HMGCLL1: variants seen among roughly 807,000 people sequenced by gnomAD.
The protein encoded by HMGCLL1 is 3-hydroxy-3-methylglutaryl-CoA lyase like 1.
Under a neutral mutation model 39.1 loss-of-function variants are expected in HMGCLL1, and 36 were observed. The observed-to-expected ratio is 0.92, with a 90% CI of 0.71 to 1.22. HMGCLL1 has a LOEUF of 1.22. HMGCLL1 is among the 50% of genes most tolerant of loss of function. The pLI is 0.00. For missense variants in HMGCLL1, 451 were observed against 416.5 expected (o/e 1.08, Z -0.72); for synonymous variants, 149 against 144.0 (o/e 1.03, Z -0.25).
intron 3 of HMGCLL1, among the ~76,000 whole-genome samples, chr6:55,533,460 C>G (rs1028571404): frequency 3.3e-5 from 5 of 152,090 alleles, no homozygotes; most frequent in African/African-American, 1.2e-4. Context: ...CTTTTCATTT[C>G]TAGAGTACAT....
chr6:55,579,009 T>C lies in HMGCLL1; in HGVS notation c.47A>G (p.Gln16Arg). The change falls in exon 1 of 9, where the codon CAG becomes CGG. Residue 16 changes from glutamine to arginine, a missense_variant. Transcript: ENST00000274901. ...SAVKHCLSYQ[Q>R]LLREHLWIGD... ...GATCCAGAGATGCTCCCGGAGAAGCTGCTGGTAGCTGAGGCAGTGCTTCAC... is the reference window on the plus strand; with the variant it reads ...GATCCAGAGATGCTCCCGGAGAAGCCGCTGGTAGCTGAGGCAGTGCTTCAC... 6.2e-7 allele frequency: 1 copy of C among 1,613,710 alleles called. No individual in the cohort carries two copies. Among genetic ancestry groups the C allele is most frequent in the South Asian group, 1.1e-5 (1 of 90,936 alleles).
chr6:55,559,219 G>A (rs530879308), intron 1 of HMGCLL1, among the ~76,000 whole-genome samples: 77 of 152,288 alleles, frequency 5.1e-4, no homozygotes, highest in African/African-American at 1.8e-3. Context: ...CTAAGTTTTA[G>A]TGTAGAGCAA....
intron 3 of HMGCLL1, 105 bp from the exon 4 acceptor site, chr6:55,516,708 A>C: frequency 1.7e-6 from 1 of 601,934 alleles, no homozygotes; most frequent in Non-Finnish European, 2.8e-6. Flanking sequence ...TAGAGTCTTT[A>C]AATTAATATC....
chr6:55,622,567 A>G, the HMGCLL1 span, among the ~76,000 whole-genome samples: 1 of 152,028 alleles, frequency 6.6e-6, no homozygotes, highest in Non-Finnish European at 1.5e-5. Context: ...ACATTGATTG[A>G]TTTGTGCATG....
intron 1 of HMGCLL1, among the ~76,000 whole-genome samples, chr6:55,558,297 T>C (rs1770772368): frequency 6.6e-6 from 1 of 152,194 alleles, no homozygotes; most frequent in Admixed American, 6.6e-5. Flanking sequence ...TAAATACTTG[T>C]GGGTTATCGT....
chr6:55,451,577 AAAAAC>A (rs1037233226), intron 7 of HMGCLL1, among the ~76,000 whole-genome samples: 6 of 119,450 alleles, frequency 5.0e-5, no homozygotes, highest in African/African-American at 1.9e-4. Flanking sequence ...AAACAAAAAC[AAAAAC>A]AAAAAAAGTC....
upstream of HMGCLL1, among the ~76,000 whole-genome samples, chr6:55,582,089 C>T (rs1302033329): frequency 2.0e-5 from 3 of 152,234 alleles, no homozygotes; most frequent in African/African-American, 7.2e-5. Flanking sequence ...ATCTGTTTGA[C>T]AAGCAACACC....
chr6:55,559,191 C>T (rs73744631), intron 1 of HMGCLL1, among the ~76,000 whole-genome samples: 105 of 152,232 alleles, frequency 6.9e-4, no homozygotes, highest in African/African-American at 2.4e-3. Context: ...AAAAAGTCCA[C>T]GAAAACGTTT....
At chr6:55,542,185 G>A (rs1165790971) in intron 1 of HMGCLL1, 45 bp from the exon 2 acceptor site, 14 of 1,283,156 alleles carry the variant, frequency 1.1e-5, no homozygotes, top group Admixed American at 9.4e-5. Context: ...CTTTTAGATT[G>A]TTACATTTGC....
chr6:55,610,565 C>A, the HMGCLL1 span, among the ~76,000 whole-genome samples: 1 of 151,954 alleles, frequency 6.6e-6, no homozygotes, highest in Non-Finnish European at 1.5e-5. Context: ...CTGAATGGAG[C>A]ACTTGAAAGA....
intron 1 of HMGCLL1, among the ~76,000 whole-genome samples, chr6:55,569,627 C>G (rs1353234574): frequency 6.6e-6 from 1 of 152,096 alleles, no homozygotes; most frequent in Admixed American, 6.5e-5. Flanking sequence ...ATTAAATGAG[C>G]TACTGGATGT....
intron 7 of HMGCLL1, among the ~76,000 whole-genome samples, chr6:55,480,605 C>T (rs900561638): frequency 4.6e-5 from 7 of 151,648 alleles, no homozygotes; most frequent in Admixed American, 2.6e-4. Flanking sequence ...AGGTACCGTA[C>T]ACATAGAGTA....
At chr6:55,461,257 A>T (rs1304919421) in intron 7 of HMGCLL1, among the ~76,000 whole-genome samples, 2 of 151,984 alleles carry the variant, frequency 1.3e-5, no homozygotes, top group Non-Finnish European at 2.9e-5. Flanking sequence ...AAGAGTCAAA[A>T]GAAGAAATAT....
chr6:55,485,448 TA>T (rs1765974923), intron 7 of HMGCLL1, among the ~76,000 whole-genome samples: 1 of 151,912 alleles, frequency 6.6e-6, no homozygotes, highest in South Asian at 2.1e-4. Context: ...AGATGTTTCT[TA>T]AAATAAATTC....
intron 1 of HMGCLL1, among the ~76,000 whole-genome samples, chr6:55,568,837 T>A (rs2127474850): frequency 6.7e-6 from 1 of 149,108 alleles, no homozygotes; most frequent in South Asian, 2.1e-4. Context: ...CTTGGTTGAT[T>A]AGGGGAAGTA....
At chr6:55,461,111 G>A (rs1245143377) in intron 7 of HMGCLL1, among the ~76,000 whole-genome samples, 1 of 151,856 alleles carries the variant, frequency 6.6e-6, no homozygotes, top group Non-Finnish European at 1.5e-5. Flanking sequence ...GTATCAAATA[G>A]CATCTATTTT....
At chr6:55,585,984 T>C in the HMGCLL1 span, among the ~76,000 whole-genome samples, 1 of 152,262 alleles carries the variant, frequency 6.6e-6, no homozygotes, top group South Asian at 2.1e-4. Context: ...CTGTAGGATC[T>C]ATATACAAAA....
intron 7 of HMGCLL1, 148 bp from the exon 8 acceptor site, chr6:55,439,707 TC>T: frequency 1.4e-6 from 1 of 691,510 alleles, no homozygotes; most frequent in Non-Finnish European, 2.3e-6. Flanking sequence ...TCTAGAATGG[TC>T]CCCAGGGTGC....
chr6:55,653,633 G>T, the HMGCLL1 span, among the ~76,000 whole-genome samples: 1 of 151,934 alleles, frequency 6.6e-6, no homozygotes, highest in Non-Finnish European at 1.5e-5. Flanking sequence ...TAATTTTTGA[G>T]AATCCCTAAG....
Sources: gnomAD v4.1 joint callset for allele counts (sites outside exome capture counted in the v4.1 genomes callset) on GRCh38, gnomAD v4.1.1 for gene constraint, MANE v1.5 for transcripts, NCBI Gene and HGNC (gene_info 2026-07-23, HGNC 2026-07-21) for gene names.